The following QPCT variants were observed in gnomAD, a reference collection of about 807,000 sequenced individuals.
QPCT encodes EC.
A neutral mutation model predicts 43.4 loss-of-function variants in QPCT; 44 were observed. The ratio of observed to expected loss-of-function variants is 1.01; its 90% confidence interval spans 0.80 to 1.30. The LOEUF is 1.30. Ranked by LOEUF, QPCT falls within the 50% of genes most tolerant of loss-of-function variation. The probability of loss-of-function intolerance (pLI) is 0.00; values close to 1 mark genes in which losing one functional copy is unlikely to be tolerated. For missense variants in QPCT, 526 were observed against 436.5 expected (o/e 1.21, Z -1.83); for synonymous variants, 168 against 168.4 (o/e 1.00, Z 0.02).
At chr2:37,346,150 T>C (rs1464296157) in intron 1 of QPCT, among the ~76,000 whole-genome samples, 1 of 152,108 alleles carries the variant, frequency 6.6e-6, no homozygotes, top group Non-Finnish European at 1.5e-5. Flanking sequence ...TATATATGAA[T>C]AGCCCATTTC....
At chr2:37,358,440 A>G (rs1672792920) in intron 2 of QPCT, among the ~76,000 whole-genome samples, 2 of 151,844 alleles carry the variant, frequency 1.3e-5, no homozygotes, top group South Asian at 2.1e-4. Context: ...CTGTTAAACA[A>G]CAAAACAAAA....
chr2:37,344,803 G>A lies in QPCT; in HGVS notation c.72G>A (p.Trp24Ter). The A allele has an allele frequency of 6.2e-7, 1 of 1,609,186 alleles. No individual in the cohort carries two copies. Among genetic ancestry groups the A allele is most frequent in the Non-Finnish European group, 8.5e-7 (1 of 1,178,296 alleles). The part of the protein sequence containing the change: ...HLLLLVAALP[W>*]ASRGVSPSAS... The stretch of plus-strand genomic sequence containing the variant: ...TGCTGCTGGTGGCCGCCCTGCCCTG[G>A]GCATCCAGGGGGGTCAGTCCGAGTG... Residue 24 changes from tryptophan to a stop codon, truncating the protein, a stop_gained, in exon 1 of 7, where the codon TGG becomes TGA. Transcript: ENST00000338415. LOFTEE classifies it high-confidence loss of function.
chr2:37,361,715 G>A (rs1416963549), intron 3 of QPCT, among the ~76,000 whole-genome samples: 1 of 152,130 alleles, frequency 6.6e-6, no homozygotes, highest in African/African-American at 2.4e-5. Context: ...GACCAGCAGA[G>A]GTTATGTATC....
At chr2:37,345,458 C>T (rs577029379) in intron 1 of QPCT, among the ~76,000 whole-genome samples, 47 of 152,294 alleles carry the variant, frequency 3.1e-4, no homozygotes, top group African/African-American at 1.1e-3. Flanking sequence ...CTGCTATTTT[C>T]AGAGAAAATG....
intron 3 of QPCT, among the ~76,000 whole-genome samples, chr2:37,361,699 C>T (rs1447869866): frequency 6.6e-6 from 1 of 152,214 alleles, no homozygotes; most frequent in Non-Finnish European, 1.5e-5. Flanking sequence ...CAGCTGCTCC[C>T]TAGCTGACCA....
intron 2 of QPCT, 50 bp from the exon 3 acceptor site, chr2:37,359,530 T>C (rs780034094): frequency 1.3e-6 from 2 of 1,534,990 alleles, no homozygotes; most frequent in Non-Finnish European, 1.8e-6. Flanking sequence ...AGTTAACAAA[T>C]GAAAGCCATT....
chr2:37,362,359 G>A (rs1672871280), intron 3 of QPCT, among the ~76,000 whole-genome samples: 3 of 152,248 alleles, frequency 2.0e-5, no homozygotes, highest in Admixed American at 2.0e-4. Flanking sequence ...TTTTGCCAAC[G>A]AGAAAATCTG....
chr2:37,346,529 G>A (rs544340255), intron 1 of QPCT, among the ~76,000 whole-genome samples: 2 of 152,118 alleles, frequency 1.3e-5, no homozygotes, highest in Non-Finnish European at 2.9e-5. Context: ...GTGTAGGCAG[G>A]GGGTATTTAT....
intron 3 of QPCT, among the ~76,000 whole-genome samples, chr2:37,360,455 C>T (rs1324284769): frequency 6.6e-6 from 1 of 152,258 alleles, no homozygotes; most frequent in Middle Eastern, 3.4e-3. Flanking sequence ...TTATTTCAGT[C>T]TTGGTGTTCT....
chr2:37,348,216 T>C (rs1415391917), intron 1 of QPCT, among the ~76,000 whole-genome samples: 3 of 152,152 alleles, frequency 2.0e-5, no homozygotes, highest in Non-Finnish European at 4.4e-5. Flanking sequence ...CCTTACCATC[T>C]AGTTGGTAAG....
intron 3 of QPCT, among the ~76,000 whole-genome samples, chr2:37,363,815 G>C (rs1672903820): frequency 6.6e-6 from 1 of 152,026 alleles, no homozygotes. Context: ...AAACCAGAAT[G>C]CTGCAATAAC....
chr2:37,365,012 A>ATTG (rs1672934061), intron 3 of QPCT, among the ~76,000 whole-genome samples: 1 of 148,118 alleles, frequency 6.8e-6, no homozygotes, highest in Admixed American at 6.8e-5. Flanking sequence ...TATTATTATT[A>ATTG]TTATTATTAT....
At chr2:37,348,434 C>G (rs3770753) in intron 1 of QPCT, among the ~76,000 whole-genome samples, 18,149 of 152,154 alleles carry the variant, frequency 0.12, 1,291 homozygotes, top group South Asian at 0.26. Context: ...CAGTGGCATC[C>G]GACACACAGA....
intron 2 of QPCT, among the ~76,000 whole-genome samples, chr2:37,355,237 G>C (rs1245375888): frequency 6.6e-6 from 1 of 152,142 alleles, no homozygotes; most frequent in East Asian, 1.9e-4. Context: ...TTAATTTTTA[G>C]AGACCTATCT....
In QPCT at chr2:37,359,640, T is replaced by C. The variant is rs750651030; in HGVS notation, c.328T>C (p.Leu110=). 6 of 1,614,152 alleles carry C rather than the reference T, an allele frequency of 3.7e-6. No individual in the cohort carries two copies. The South Asian group carries it at 6.6e-5, about 18-fold the overall frequency. ...CTGGGTCTTGGAAATAGACACCTTC[T>C]TGAGTCAGACACCCTATGGGTACCG... ...ADWVLEIDTF[L]SQTPYGYRSF... The change falls in exon 3 of 7, where the codon TTG becomes CTG. Residue 110 remains leucine, a synonymous_variant. Transcript: ENST00000338415.
At chr2:37,346,684 T>G (rs2124929439) in intron 1 of QPCT, among the ~76,000 whole-genome samples, 1 of 152,314 alleles carries the variant, frequency 6.6e-6, no homozygotes, top group East Asian at 1.9e-4. Context: ...CTGAATGTTT[T>G]CAAATCATTA....
At chr2:37,359,487 T>G in intron 2 of QPCT, 93 bp from the exon 3 acceptor site, 1 of 1,202,696 alleles carries the variant, frequency 8.3e-7, no homozygotes, top group Non-Finnish European at 1.2e-6. Flanking sequence ...CCAATTTTAA[T>G]TTGAAAGGCA....
intron 1 of QPCT, 97 bp from the exon 2 acceptor site, chr2:37,352,692 C>G: frequency 7.0e-7 from 1 of 1,428,110 alleles, no homozygotes; most frequent in South Asian, 1.3e-5. Context: ...AAAGTTCTCC[C>G]TTATTTTGAA....
At chr2:37,345,835 CAAAAAA>C (rs70949752) in intron 1 of QPCT, among the ~76,000 whole-genome samples, 1 of 82,600 alleles carries the variant, frequency 1.2e-5, no homozygotes, top group Non-Finnish European at 2.4e-5. Context: ...GACTCCGTCT[CAAAAAA>C]AAAAAAAAAA....
Sources: gnomAD v4.1 joint callset for allele counts (sites outside exome capture counted in the v4.1 genomes callset) on GRCh38, gnomAD v4.1.1 for gene constraint, MANE v1.5 for transcripts, NCBI Gene and HGNC (gene_info 2026-07-23, HGNC 2026-07-21) for gene names.